FGF12: variants seen among roughly 807,000 people sequenced by gnomAD.
The protein encoded by FGF12 is fibroblast growth factor 12B.
FGF12 carries 14 observed loss-of-function variants against 23.6 expected under a neutral mutation model. That is an observed-to-expected ratio of 0.59 (90% confidence interval 0.39 to 0.93). FGF12 has a LOEUF of 0.93. Among genes scored for constraint, FGF12 ranks in the 40% least tolerant of loss-of-function variants. FGF12 has a pLI of 0.00. For synonymous variants in FGF12, 62 were observed against 77.3 expected, an observed-to-expected ratio of 0.80 and a Z score of 1.04; for missense variants, 175 against 217.8, an observed-to-expected ratio of 0.80 and a Z score of 1.24.
At chr3:192,633,969 C>T (rs1245565732) in intron 2 of FGF12, among the ~76,000 whole-genome samples, 1 of 152,170 alleles carries the variant, frequency 6.6e-6, no homozygotes, top group Admixed American at 6.6e-5. Flanking sequence ...CCTGTCTGCT[C>T]AGGTCATATC....
In FGF12 at chr3:192,392,544, C is replaced by A. The variant is rs573228014; in HGVS notation, c.14-32006G>T. Among the ~76,000 whole-genome samples the A allele has an allele frequency of 2.1e-3, 309 of 144,222 alleles. 1 individual carries two copies. The highest frequency in any genetic ancestry group is 7.3e-3 in the African/African-American group (282 of 38,880). 94.6% of individuals were successfully genotyped at this position (144,222 alleles called of 152,430 possible). A position where few individuals can be genotyped will look rare whatever the true frequency, so the allele number is the denominator to read the frequency against. Reference sequence around the variant, plus strand: ...TCAGGAGGTGGAGGTTGCAGTGAACCAAGATTGCGCCATTGCACTCCAGCC... The same window carrying A: ...TCAGGAGGTGGAGGTTGCAGTGAACAAAGATTGCGCCATTGCACTCCAGCC... On this transcript the variant is annotated intron_variant, in intron 2 of 5. Coordinates refer to ENST00000445105, the MANE Select transcript of FGF12 (RefSeq NM_004113.6).
intron 2 of FGF12, among the ~76,000 whole-genome samples, chr3:192,444,142 C>T (rs974025757): frequency 1.1e-4 from 16 of 152,198 alleles, no homozygotes; most frequent in African/African-American, 3.6e-4. Flanking sequence ...AGTCTGGCCG[C>T]CTTGAGTTCC....
At chr3:192,485,265 A>G (rs79664921) in intron 2 of FGF12, among the ~76,000 whole-genome samples, 3,287 of 152,212 alleles carry the variant, frequency 0.022, 86 homozygotes, top group African/African-American at 0.073. Context: ...TTTTGAAACG[A>G]ATGTTTCTGG....
At chr3:192,411,218 G>A (rs1721189914) in intron 2 of FGF12, among the ~76,000 whole-genome samples, 1 of 152,216 alleles carries the variant, frequency 6.6e-6, no homozygotes, top group Non-Finnish European at 1.5e-5. Flanking sequence ...ATTGAGATCT[G>A]TGACGTTGTT....
chr3:192,196,383 T>G (rs577571371), intron 4 of FGF12, among the ~76,000 whole-genome samples: 2 of 152,296 alleles, frequency 1.3e-5, no homozygotes, highest in East Asian at 3.9e-4. Flanking sequence ...TTGGGCAAAG[T>G]TTTTAAATGG....
chr3:192,642,834 G>T lies in FGF12; in HGVS notation c.13+84347C>A, dbSNP rs180807524. On this transcript the variant is annotated intron_variant, in intron 2 of 5. Coordinates refer to ENST00000445105, the MANE Select transcript of FGF12 (RefSeq NM_004113.6). ...AAAGAAAATGATGAAGCACATCACT[G>T]CTCTTTGACGCCGTGCCAGCTCTGG... Among the ~76,000 whole-genome samples, 334 of 152,370 alleles carry T rather than the reference G, an allele frequency of 2.2e-3. 3 individuals carry two copies. Among genetic ancestry groups the T allele is most frequent in the Admixed American group, 0.019 (290 of 15,306 alleles).
intron 2 of FGF12, among the ~76,000 whole-genome samples, chr3:192,512,474 C>T (rs781094797): frequency 1.3e-5 from 2 of 152,022 alleles, no homozygotes; most frequent in Admixed American, 6.5e-5. Context: ...GAGAGCTCAA[C>T]TAAATCTTTA....
At chr3:192,247,243 C>T (rs956446047) in intron 4 of FGF12, among the ~76,000 whole-genome samples, 3 of 152,020 alleles carry the variant, frequency 2.0e-5, no homozygotes, top group Non-Finnish European at 2.9e-5. Flanking sequence ...CAGCCTAATC[C>T]CAAATAGTCA....
At chr3:192,557,270 T>TG (rs947752175) in intron 2 of FGF12, among the ~76,000 whole-genome samples, 14 of 151,308 alleles carry the variant, frequency 9.3e-5, no homozygotes, top group African/African-American at 3.1e-4. Context: ...TAAGAATTTT[T>TG]TTTTGAAAAG....
At chr3:192,356,806 G>A (rs1718491243) in intron 3 of FGF12, among the ~76,000 whole-genome samples, 1 of 152,182 alleles carries the variant, frequency 6.6e-6, no homozygotes, top group Non-Finnish European at 1.5e-5. Context: ...ACAAAGTAGA[G>A]AAAGAAAAGA....
chr3:192,257,420 A>G (rs952900159), intron 4 of FGF12, among the ~76,000 whole-genome samples: 1 of 152,110 alleles, frequency 6.6e-6, no homozygotes, highest in Non-Finnish European at 1.5e-5. Flanking sequence ...TAATCCCTAT[A>G]TCAGTTGCAC....
chr3:192,357,480 C>CAAAAAGAAAAAAGAAAAAAGA (rs1718525678), intron 3 of FGF12, among the ~76,000 whole-genome samples: 1 of 139,906 alleles, frequency 7.1e-6, no homozygotes, highest in Non-Finnish European at 1.5e-5. Flanking sequence ...GACTCCATCT[C>CAAAAAGAAAAAAGAAAAAAGA]AAAAAGAAAA....
At chr3:192,645,972 C>A (rs1212722452) in intron 2 of FGF12, among the ~76,000 whole-genome samples, 1 of 151,908 alleles carries the variant, frequency 6.6e-6, no homozygotes. Flanking sequence ...ATGGTCAGAG[C>A]CTCTCTGAAA....
chr3:192,293,352 T>G (rs1398578037), intron 4 of FGF12, among the ~76,000 whole-genome samples: 1 of 152,172 alleles, frequency 6.6e-6, no homozygotes, highest in Non-Finnish European at 1.5e-5. Context: ...GAAAATGAAG[T>G]GTATGTATCT....
chr3:192,567,290 T>A (rs1398373123), intron 2 of FGF12, among the ~76,000 whole-genome samples: 1 of 152,078 alleles, frequency 6.6e-6, no homozygotes, highest in Non-Finnish European at 1.5e-5. Flanking sequence ...AAGGCTTTTT[T>A]AATAGAACTG....
chr3:192,247,032 A>AGAAGGAAGGAAG (rs71177355), intron 4 of FGF12, among the ~76,000 whole-genome samples: 59 of 86,390 alleles, frequency 6.8e-4, no homozygotes, highest in Non-Finnish European at 1.1e-3. Context: ...AGGGAAGGAA[A>AGAAGGAAGGAAG]GAAGGAAGGA....
At chr3:192,251,458 G>A (rs1467290989) in intron 4 of FGF12, among the ~76,000 whole-genome samples, 1 of 152,114 alleles carries the variant, frequency 6.6e-6, no homozygotes, top group African/African-American at 2.4e-5. Flanking sequence ...AACATAGGTA[G>A]CCTATGACTG....
At position 192,360,414 on chromosome 3, in the gene FGF12, C is replaced by T; in HGVS notation, c.124+14G>A. On this transcript the variant is annotated intron_variant, in intron 3 of 5. Coordinates refer to ENST00000445105, the MANE Select transcript of FGF12 (RefSeq NM_004113.6). The surrounding 1 kb of genome is among the most constrained non-coding windows in gnomAD (Gnocchi z 4.3). ...TGATTTGTAATCAGATTGTAAGAAG[C>T]TAATGTTTCTTACTGTAGTCGCTGT... The T allele has an allele frequency of 9.1e-6, 14 of 1,540,476 alleles. No homozygotes were observed. The highest frequency in any genetic ancestry group is 1.3e-5 in the Non-Finnish European group (14 of 1,113,212).
Position 192,173,945 on chromosome 3 carries a change from C to T in FGF12, c.229-3289G>A, listed in dbSNP as rs142719700. On this transcript the variant is annotated intron_variant, in intron 4 of 5. Coordinates refer to ENST00000445105, the MANE Select transcript of FGF12 (RefSeq NM_004113.6). ...ACAAGGTAACTAAAGCTCATGACAGCGAAATAATTGTCCCCAGTGTCATAG... is the reference window on the plus strand; with the variant it reads ...ACAAGGTAACTAAAGCTCATGACAGTGAAATAATTGTCCCCAGTGTCATAG... Among the ~76,000 whole-genome samples, 86 of 152,248 alleles carry T rather than the reference C, an allele frequency of 5.6e-4. No homozygotes were observed. The South Asian group carries it at 6.6e-3, about 12-fold the overall frequency.
Sources: allele counts gnomAD v4.1 joint callset (sites outside exome capture counted in the v4.1 genomes callset), GRCh38; gene constraint gnomAD v4.1.1; non-coding constraint Gnocchi (gnomAD v3.1); transcripts MANE v1.5; gene names NCBI Gene and HGNC (gene_info 2026-07-23, HGNC 2026-07-21).